Variants in SRGAP2B observed in about 807,000 individuals in gnomAD.
SRGAP2B encodes the protein SLIT-ROBO Rho GTPase-activating protein 2B.
A neutral mutation model predicts 22.2 loss-of-function variants in SRGAP2B; 9 were observed. That is an observed-to-expected ratio of 0.41 (90% CI 0.24 to 0.71). The LOEUF is 0.71. Ranked by LOEUF, SRGAP2B falls within the 30% of genes least tolerant of loss-of-function variation. SRGAP2B has a pLI of 0.35. For synonymous variants in SRGAP2B, 36 were observed against 87.4 expected, an observed-to-expected ratio of 0.41 and a Z score of 3.28; for missense variants, 114 against 235.8, an observed-to-expected ratio of 0.48 and a Z score of 3.38.
intron 2 of SRGAP2B, among the ~76,000 whole-genome samples, chr1:145,009,385 G>A (rs1186126661): frequency 1.3e-5 from 2 of 148,916 alleles, no homozygotes; most frequent in African/African-American, 2.5e-5. Context: ...TCAGGAGATC[G>A]AGACCATCCC....
chr1:144,994,434 T>C (rs1670497859), intron 3 of SRGAP2B, among the ~76,000 whole-genome samples: 1 of 134,372 alleles, frequency 7.4e-6, no homozygotes, highest in South Asian at 2.4e-4. Context: ...GATTTAGATA[T>C]AATGGCCTCA....
chr1:144,963,482 CAA>C (rs1434718670), intron 3 of SRGAP2B, among the ~76,000 whole-genome samples: 2 of 137,118 alleles, frequency 1.5e-5, no homozygotes, highest in Non-Finnish European at 3.1e-5. Flanking sequence ...GTTGGATCCA[CAA>C]AGTCCATAGA....
At chr1:144,950,791 T>C (rs587712904) in intron 4 of SRGAP2B, among the ~76,000 whole-genome samples, 8 of 150,986 alleles carry the variant, frequency 5.3e-5, no homozygotes, top group African/African-American at 2.0e-4. Flanking sequence ...TGTTGGATTC[T>C]AGAGCCAGGT....
At chr1:144,967,534 A>C (rs1668179247) in intron 3 of SRGAP2B, among the ~76,000 whole-genome samples, 2 of 148,968 alleles carry the variant, frequency 1.3e-5, no homozygotes, top group South Asian at 4.2e-4. Flanking sequence ...CCACAAGAGA[A>C]AGCAGGAAAG....
At position 144,994,902 on chromosome 1, in the gene SRGAP2B, C is replaced by G. The variant is rs1462403416; in HGVS notation, c.260+106G>C. 1.8e-5 allele frequency: 11 copies of G among 605,018 alleles called. 1 individual carries two copies. The East Asian group carries it at 3.0e-4, about 17-fold the overall frequency. 37.5% of individuals were successfully genotyped at this position (605,018 alleles called of 1,614,324 possible). A position where few individuals can be genotyped will look rare whatever the true frequency, so the allele number is the denominator to read the frequency against. On this transcript the variant is annotated intron_variant, in intron 3 of 9. Coordinates refer to ENST00000612199, the Ensembl canonical transcript of SRGAP2B. ...TTGAGGGCTTTCAACCAATCTGAAG[C>G]CAGGGGCTCCTGAATTCAGCTGGAT...
In SRGAP2B at chr1:145,088,001, C is replaced by CA. The variant is rs1653588050; in HGVS notation, c.67+4833dup. Among the ~76,000 whole-genome samples, 3 of 150,646 alleles carry CA rather than the reference C, an allele frequency of 2.0e-5. No homozygotes were observed. The South Asian group carries it at 6.3e-4, about 31-fold the overall frequency. On this transcript the variant is annotated intron_variant, in intron 2 of 9. Coordinates refer to ENST00000612199, the Ensembl canonical transcript of SRGAP2B. The stretch of plus-strand genomic sequence containing the variant: ...TTTTGTTGCTGTTTTTTCCCCTGAG[C>CA]AAGGGACAGGAGCCCTCAATCATCT...
chr1:144,990,672 G>A (rs1224551618), intron 3 of SRGAP2B, among the ~76,000 whole-genome samples: 2 of 149,732 alleles, frequency 1.3e-5, no homozygotes, highest in Admixed American at 6.6e-5. Flanking sequence ...CGGGAACCGG[G>A]GCTGCGTGCG....
chr1:144,956,502 C>A (rs1419624836), intron 3 of SRGAP2B, among the ~76,000 whole-genome samples: 2 of 95,336 alleles, frequency 2.1e-5, no homozygotes, highest in Admixed American at 1.5e-4. Context: ...GGCTGGAGTA[C>A]AGTGGCACAA....
chr1:145,087,948 G>A (rs1195736537), intron 2 of SRGAP2B, among the ~76,000 whole-genome samples: 4 of 150,740 alleles, frequency 2.7e-5, no homozygotes, highest in African/African-American at 9.8e-5. Flanking sequence ...TCTTCCAGGA[G>A]TTCACCTTAC....
rs587719629 is a variant in SRGAP2B, at chr1:144,965,580, C to T, written c.261-9979G>A. 4.5e-3 allele frequency among the ~76,000 whole-genome samples: 623 copies of T among 139,322 alleles called. 10 individuals are homozygous for T. The highest frequency in any genetic ancestry group is 7.7e-3 in the Non-Finnish European group (512 of 66,248). The allele number at this position is 139,322 out of a possible 152,430, so 91.4% of individuals were successfully genotyped here. A position where few individuals can be genotyped will look rare whatever the true frequency, so the allele number is the denominator to read the frequency against. On this transcript the variant is annotated intron_variant, in intron 3 of 9. Coordinates refer to ENST00000612199, the Ensembl canonical transcript of SRGAP2B. ...AAACTGGAAACTCTAAAACGCAGAG[C>T]GCCTCTCCTCCTCCAAAGGAACGCA...
chr1:145,007,387 CG>C (rs1229603118), intron 2 of SRGAP2B, among the ~76,000 whole-genome samples: 2 of 150,686 alleles, frequency 1.3e-5, no homozygotes, highest in African/African-American at 5.0e-5. Flanking sequence ...AAAGAATCCC[CG>C]AATTCCTTCA....
At chr1:145,016,336 A>AT (rs1672414729) in intron 2 of SRGAP2B, among the ~76,000 whole-genome samples, 1 of 20,712 alleles carries the variant, frequency 4.8e-5, no homozygotes, top group African/African-American at 2.3e-4. Context: ...CCTCAATAAC[A>AT]TAAGTGGAAA....
chr1:145,011,909 C>T (rs1672081425), intron 2 of SRGAP2B, among the ~76,000 whole-genome samples: 2 of 150,562 alleles, frequency 1.3e-5, no homozygotes, highest in Admixed American at 6.6e-5. Context: ...CCAGTTCACC[C>T]TTACTCACTG....
At chr1:144,931,756 C>T (rs1665202953) in intron 4 of SRGAP2B, among the ~76,000 whole-genome samples, 3 of 145,090 alleles carry the variant, frequency 2.1e-5, no homozygotes, top group Non-Finnish European at 1.5e-5. Flanking sequence ...CAAGGGGTTA[C>T]CCAGCTAGAA....
chr1:145,009,192 A>C (rs1671848552), intron 2 of SRGAP2B, among the ~76,000 whole-genome samples: 1 of 148,262 alleles, frequency 6.7e-6, no homozygotes, highest in Admixed American at 6.7e-5. Flanking sequence ...AAAAAAAAAA[A>C]ACCTCCTTAT....
intron 2 of SRGAP2B, among the ~76,000 whole-genome samples, chr1:145,003,883 T>C (rs1238454728): frequency 6.6e-5 from 10 of 151,412 alleles, no homozygotes; most frequent in Non-Finnish European, 5.9e-5. Flanking sequence ...GACTCTATAG[T>C]ATGATTCCAA....
chr1:144,988,888 G>A (rs1669952136), intron 3 of SRGAP2B, among the ~76,000 whole-genome samples: 1 of 139,866 alleles, frequency 7.1e-6, no homozygotes, highest in African/African-American at 2.8e-5. Context: ...TAGAGACACT[G>A]GGTCACCTCT....
chr1:144,971,719 C>A (rs1668540328), intron 3 of SRGAP2B, among the ~76,000 whole-genome samples: 1 of 150,598 alleles, frequency 6.6e-6, no homozygotes, highest in Non-Finnish European at 1.5e-5. Context: ...AGAGAAAAGG[C>A]CAGAGTGTAC....
At chr1:144,918,714 C>A (rs1285447618) in intron 4 of SRGAP2B, 1 of 87,218 alleles carries the variant, frequency 1.1e-5, no homozygotes, top group African/African-American at 5.2e-5. Context: ...TTCCTTAGAC[C>A]TCTTTAAATC....
Sources: allele counts gnomAD v4.1 joint callset (sites outside exome capture counted in the v4.1 genomes callset), GRCh38; gene constraint gnomAD v4.1.1; transcripts MANE v1.5; gene names NCBI Gene and HGNC (gene_info 2026-07-23, HGNC 2026-07-21).